The following ROBO1 variants were observed in gnomAD, a reference collection of about 807,000 sequenced individuals.
ROBO1 encodes the protein roundabout homolog 1.
A neutral mutation model predicts 195.9 loss-of-function variants in ROBO1; 149 were observed. The observed-to-expected ratio is 0.76, with a 90% CI of 0.67 to 0.87. ROBO1 has a LOEUF of 0.87. ROBO1 is among the 40% of genes least tolerant of loss of function. ROBO1 has a pLI of 0.00. For missense variants in ROBO1, 1,933 were observed against 2,068.3 expected (o/e 0.93, Z 1.27); for synonymous variants, 816 against 733.2 (o/e 1.11, Z -1.82).
At chr3:78,999,643 T>G (rs1438862558) in intron 3 of ROBO1, among the ~76,000 whole-genome samples, 1 of 152,112 alleles carries the variant, frequency 6.6e-6, no homozygotes, top group Non-Finnish European at 1.5e-5. Context: ...AACCTCTGCA[T>G]CGTGCAATAT....
intron 3 of ROBO1, among the ~76,000 whole-genome samples, chr3:78,947,287 A>G (rs531963908): frequency 6.6e-6 from 1 of 152,324 alleles, no homozygotes; most frequent in Admixed American, 6.5e-5. Context: ...AGCACTCCTC[A>G]GCAAATGTAA....
chr3:79,216,486 A>G (rs1391329204), intron 2 of ROBO1, among the ~76,000 whole-genome samples: 4 of 152,112 alleles, frequency 2.6e-5, no homozygotes, highest in Non-Finnish European at 5.9e-5. Flanking sequence ...ACATTACTTT[A>G]CTATAGGACT....
intron 4 of ROBO1, among the ~76,000 whole-genome samples, chr3:78,785,519 A>G (rs1214954560): frequency 5.3e-5 from 8 of 152,132 alleles, no homozygotes; most frequent in Admixed American, 1.3e-4. Context: ...TCTTATTCCT[A>G]CTACTACTCA....
intron 8 of ROBO1, among the ~76,000 whole-genome samples, chr3:78,708,581 C>A (rs749862530): frequency 6.6e-6 from 1 of 151,964 alleles, no homozygotes; most frequent in Non-Finnish European, 1.5e-5. Context: ...CTAATAAATA[C>A]GTAATGGATT....
intron 2 of ROBO1, among the ~76,000 whole-genome samples, chr3:79,194,438 G>A (rs1054405772): frequency 4.6e-5 from 7 of 151,454 alleles, no homozygotes; most frequent in East Asian, 1.9e-4. Context: ...TTCTTTATAC[G>A]ACGTCACTTT....
chr3:78,861,868 T>C (rs1010566414), intron 4 of ROBO1, among the ~76,000 whole-genome samples: 1 of 152,154 alleles, frequency 6.6e-6, no homozygotes, highest in African/African-American at 2.4e-5. Context: ...TACAAGCTGC[T>C]CAAACAAGTG....
intron 2 of ROBO1, among the ~76,000 whole-genome samples, chr3:79,393,521 C>G (rs2037031197): frequency 6.6e-6 from 1 of 152,184 alleles, no homozygotes; most frequent in African/African-American, 2.4e-5. Context: ...GCATCAGCTT[C>G]TACCTCTGAT....
intron 7 of ROBO1, among the ~76,000 whole-genome samples, chr3:78,716,315 A>G (rs1425146595): frequency 1.3e-5 from 2 of 152,186 alleles, no homozygotes; most frequent in South Asian, 4.1e-4. Context: ...ACAGTTCCAC[A>G]TGGCTGGGGA....
chr3:78,696,226 G>GCCCTTCTCATAT (rs1412459124), intron 8 of ROBO1, among the ~76,000 whole-genome samples: 1 of 151,144 alleles, frequency 6.6e-6, no homozygotes, highest in East Asian at 2.0e-4. Flanking sequence ...CCTTCTCATA[G>GCCCTTCTCATAT]CCCTTCTCAA....
chr3:79,358,107 C>G (rs987129932), intron 2 of ROBO1, among the ~76,000 whole-genome samples: 1 of 152,014 alleles, frequency 6.6e-6, no homozygotes, highest in Non-Finnish European at 1.5e-5. Context: ...ACTTACATAG[C>G]TATGTGACAT....
intron 1 of ROBO1, 127 bp from the exon 2 acceptor site, chr3:79,590,088 C>T (rs1943951776): frequency 2.0e-6 from 1 of 509,188 alleles, no homozygotes; most frequent in Admixed American, 3.6e-5. Flanking sequence ...AAAATTATTA[C>T]ATAACTAAAA....
chr3:79,750,717 C>T (rs1241926435), intron 1 of ROBO1, among the ~76,000 whole-genome samples: 3 of 152,178 alleles, frequency 2.0e-5, no homozygotes, highest in African/African-American at 7.2e-5. Context: ...CCTTGCCTTC[C>T]ATCATGATTG....
At chr3:79,207,867 A>T (rs187621816) in intron 2 of ROBO1, among the ~76,000 whole-genome samples, 16 of 151,952 alleles carry the variant, frequency 1.1e-4, no homozygotes, top group African/African-American at 3.9e-4. Context: ...ATAGAATTTG[A>T]TGTACTTATG....
intron 1 of ROBO1, among the ~76,000 whole-genome samples, chr3:79,659,319 ACT>A (rs1179699066): frequency 1.3e-5 from 2 of 152,102 alleles, no homozygotes; most frequent in East Asian, 3.9e-4. Context: ...TAGCCATTTA[ACT>A]CTTGACTAAA....
intron 3 of ROBO1, among the ~76,000 whole-genome samples, chr3:79,099,715 G>T (rs1474319769): frequency 2.6e-5 from 4 of 151,784 alleles, no homozygotes; most frequent in African/African-American, 4.8e-5. Flanking sequence ...ATTTTATGCA[G>T]AGAAGTGTTG....
At chr3:79,659,160 C>A (rs1160134350) in intron 1 of ROBO1, among the ~76,000 whole-genome samples, 1 of 151,976 alleles carries the variant, frequency 6.6e-6, no homozygotes, top group African/African-American at 2.4e-5. Context: ...TGTATATTAA[C>A]CATCCGGTTG....
chr3:78,893,730 G>A (rs141802134), intron 4 of ROBO1, among the ~76,000 whole-genome samples: 1,918 of 151,956 alleles, frequency 0.013, 16 homozygotes, highest in Non-Finnish European at 0.022. Context: ...AAAAATGATG[G>A]CTTTTTTTCG....
intron 3 of ROBO1, among the ~76,000 whole-genome samples, chr3:78,963,219 GT>G (rs1232471687): frequency 1.3e-5 from 2 of 151,976 alleles, no homozygotes; most frequent in Non-Finnish European, 2.9e-5. Flanking sequence ...AAAGATTAGA[GT>G]TTTCAAGTTG....
At chr3:79,030,690 T>G (rs960212225) in intron 3 of ROBO1, among the ~76,000 whole-genome samples, 11 of 152,306 alleles carry the variant, frequency 7.2e-5, no homozygotes, top group Admixed American at 2.6e-4. Context: ...CATCTAGAGC[T>G]TTATATAAAG....
Sources: allele counts gnomAD v4.1 joint callset (sites outside exome capture counted in the v4.1 genomes callset), GRCh38; gene constraint gnomAD v4.1.1; transcripts MANE v1.5; gene names NCBI Gene and HGNC (gene_info 2026-07-23, HGNC 2026-07-21).